Variants in MCM9 observed in about 807,000 individuals in gnomAD.
The protein encoded by MCM9 is minichromosome maintenance 9 homologous recombination repair factor.
Under a neutral mutation model 72.8 loss-of-function variants are expected in MCM9, and 55 were observed. The observed-to-expected ratio is 0.76, with a 90% CI of 0.61 to 0.95. MCM9 has a LOEUF of 0.95. Among genes scored for constraint, MCM9 ranks in the 40% least tolerant of loss-of-function variants. The pLI, the probability that MCM9 is intolerant of heterozygous loss-of-function variation, is 0.00. For synonymous variants in MCM9, 480 were observed against 503.4 expected (o/e 0.95, Z 0.62); for missense variants, 1,279 against 1,377.0 (o/e 0.93, Z 1.13).
At chr6:118,924,981 G>A (rs1009636306) in intron 3 of MCM9, among the ~76,000 whole-genome samples, 1 of 151,862 alleles carries the variant, frequency 6.6e-6, no homozygotes, top group African/African-American at 2.4e-5. Context: ...GGGGGTCAAG[G>A]CTACAGTAAC....
chr6:118,916,432 CATTATTATTATT>C (rs60745084), intron 6 of MCM9, among the ~76,000 whole-genome samples: 2,694 of 142,380 alleles, frequency 0.019, 83 homozygotes, highest in African/African-American at 0.059. Context: ...GAAATGGAAG[CATTATTATTATT>C]ATTATTATTA....
chr6:118,832,473 G>A (rs1014719036), intron 9 of MCM9, among the ~76,000 whole-genome samples: 1 of 152,058 alleles, frequency 6.6e-6, no homozygotes, highest in African/African-American at 2.4e-5. Flanking sequence ...TAATTTAAAC[G>A]ACAAATAAAA....
At chr6:118,884,669 C>T (rs897319623) in intron 8 of MCM9, among the ~76,000 whole-genome samples, 4 of 152,052 alleles carry the variant, frequency 2.6e-5, no homozygotes, top group African/African-American at 9.7e-5. Flanking sequence ...CAACTATATG[C>T]TATCTACAAG....
chr6:118,841,961 A>G (rs972403102), intron 9 of MCM9, among the ~76,000 whole-genome samples: 4 of 151,812 alleles, frequency 2.6e-5, no homozygotes, highest in African/African-American at 7.3e-5. Context: ...CAGCCTCCAG[A>G]GTAGCTGGGA....
chr6:118,825,509 G>A (rs536461468), intron 13 of MCM9, among the ~76,000 whole-genome samples: 6 of 152,126 alleles, frequency 3.9e-5, no homozygotes, highest in South Asian at 4.1e-4. Context: ...CCAGACCCCG[G>A]CTTTGAGACC....
chr6:118,850,709 G>A (rs772718457), intron 9 of MCM9, among the ~76,000 whole-genome samples: 1 of 151,852 alleles, frequency 6.6e-6, no homozygotes, highest in Non-Finnish European at 1.5e-5. Context: ...TCTATTGGAA[G>A]CATCTGCTCC....
At chr6:118,900,767 C>T in intron 8 of MCM9, 3 of 1,606,994 alleles carry the variant, frequency 1.9e-6, no homozygotes, top group Non-Finnish European at 2.6e-6. Context: ...TAACCCTAGA[C>T]TTGGAATGGA....
chr6:118,925,650 T>C (rs1481202488), intron 3 of MCM9, among the ~76,000 whole-genome samples: 3 of 152,196 alleles, frequency 2.0e-5, no homozygotes, highest in African/African-American at 7.2e-5. Flanking sequence ...GACTCTTTTT[T>C]CTATGCTTCT....
chr6:118,922,909 G>GT (rs1781547437), intron 4 of MCM9, among the ~76,000 whole-genome samples: 1 of 151,526 alleles, frequency 6.6e-6, no homozygotes, highest in African/African-American at 2.4e-5. Flanking sequence ...GCACACGCCC[G>GT]TAATCCCAGC....
Position 118,815,926 on chromosome 6 carries a change from G to A in MCM9, c.2330C>T (p.Ser777Phe). Residue 777 changes from serine to phenylalanine, a missense_variant, in exon 14 of 14, where the codon TCT becomes TTT. Ser to Phe is a radical substitution (Grantham distance 155, BLOSUM62 -2). Coordinates refer to ENST00000619706, the MANE Select transcript of MCM9 (RefSeq NM_017696.3). ...CTCCTTACCCTGAGATGTGCTGTTAGAGATCTTCGAAGCCATATTTTCTCC... is the reference window on the plus strand; with the variant it reads ...CTCCTTACCCTGAGATGTGCTGTTAAAGATCTTCGAAGCCATATTTTCTCC... ...TSGENMASKISNSTSQGKEKS... is the reference protein window; with the variant it reads ...TSGENMASKIFNSTSQGKEKS... 6.5e-7 allele frequency: 1 copy of A among 1,548,696 alleles called. No individual in the cohort carries two copies. The highest frequency in any genetic ancestry group is 8.7e-7 in the Non-Finnish European group (1 of 1,146,956).
chr6:118,910,217 GT>G (rs1252794286), intron 8 of MCM9, among the ~76,000 whole-genome samples: 1 of 150,186 alleles, frequency 6.7e-6, no homozygotes, highest in Non-Finnish European at 1.5e-5. Context: ...CAGTATTTTG[GT>G]TTTTTTTTAA....
chr6:118,934,324 A>T (rs563373106), intron 1 of MCM9: 1 of 152,364 alleles, frequency 6.6e-6, no homozygotes, highest in South Asian at 2.1e-4. Flanking sequence ...GTCATTTCAC[A>T]ACTTTCAAGT....
At chr6:118,931,904 A>C (rs1253631480) in intron 2 of MCM9, among the ~76,000 whole-genome samples, 166 bp from the exon 3 acceptor site, 3 of 152,228 alleles carry the variant, frequency 2.0e-5, no homozygotes, top group East Asian at 1.9e-4. Flanking sequence ...TGTTACAGTC[A>C]CAGTACATGT....
At chr6:118,843,658 G>GTATATATATATGTGTA (rs1775597639) in intron 9 of MCM9, among the ~76,000 whole-genome samples, 274 of 21,514 alleles carry the variant, frequency 0.013, 6 homozygotes, top group Non-Finnish European at 0.018. Flanking sequence ...ATATATATGT[G>GTATATATATATGTGTA]TATATATATA....
chr6:118,836,694 C>T (rs186713373), intron 9 of MCM9, among the ~76,000 whole-genome samples: 1 of 151,954 alleles, frequency 6.6e-6, no homozygotes, highest in East Asian at 1.9e-4. Flanking sequence ...TGGTGATATC[C>T]CCTTTATCAT....
rs769804053 is a variant in MCM9, at chr6:118,917,565, A to G, written c.900T>C (p.Phe300=). 3.1e-6 allele frequency: 5 copies of G among 1,614,066 alleles called. No individual in the cohort carries two copies. Among genetic ancestry groups the G allele is most frequent in the Non-Finnish European group, 4.2e-6 (5 of 1,179,940 alleles). ...DFWEYYKSDP[F]AGRNVILASL... is the part of the protein sequence containing the mutation. ...TTTTAGCCCTTAAACACAAACCTGC[A>G]AAGGGATCGCTCTTATAGTATTCCC... The change falls in exon 6 of 14, where the codon TTT becomes TTC. Residue 300 remains phenylalanine (F), a synonymous_variant. Transcript: ENST00000619706.
chr6:118,928,387 G>A (rs1367999308), intron 3 of MCM9, among the ~76,000 whole-genome samples: 1 of 152,032 alleles, frequency 6.6e-6, no homozygotes, highest in Non-Finnish European at 1.5e-5. Flanking sequence ...CTCCGGCTTG[G>A]GAAACAGAGT....
At chr6:118,918,961 A>G (rs912571151) in intron 5 of MCM9, 2 of 152,254 alleles carry the variant, frequency 1.3e-5, no homozygotes, top group African/African-American at 4.8e-5. Context: ...TTACAAACAC[A>G]TTAAGTAAGT....
intron 8 of MCM9, among the ~76,000 whole-genome samples, chr6:118,883,911 T>C (rs1015599851): frequency 1.3e-5 from 2 of 152,194 alleles, no homozygotes; most frequent in African/African-American, 4.8e-5. Flanking sequence ...CTGGCAAAGG[T>C]AATTATGTAA....
Sources: gnomAD v4.1 joint callset for allele counts (sites outside exome capture counted in the v4.1 genomes callset) on GRCh38, gnomAD v4.1.1 for gene constraint, MANE v1.5 for transcripts, NCBI Gene and HGNC (gene_info 2026-07-23, HGNC 2026-07-21) for gene names.